Variants in DNAAF10 observed in about 807,000 individuals in gnomAD.
DNAAF10 encodes the protein dynein axonemal assembly factor 10.
DNAAF10 carries 28 observed loss-of-function variants against 43.7 expected under a neutral mutation model. The ratio of observed to expected loss-of-function variants is 0.64; its 90% CI spans 0.48 to 0.88. The LOEUF (loss-of-function observed/expected upper bound fraction) is 0.88. Ranked by LOEUF, DNAAF10 falls within the 40% of genes least tolerant of loss-of-function variation. The pLI is 0.00. For missense variants in DNAAF10, 403 were observed against 439.1 expected (o/e 0.92, Z 0.73); for synonymous variants, 156 against 157.3 (o/e 0.99, Z 0.06).
At chr2:68,139,014 C>A (rs1673112600) in intron 4 of DNAAF10, among the ~76,000 whole-genome samples, 157 bp from the exon 5 acceptor site, 1 of 152,146 alleles carries the variant, frequency 6.6e-6, no homozygotes, top group Non-Finnish European at 1.5e-5. Context: ...GAGAGGACAT[C>A]AAGATTATTA....
At chr2:68,145,360 G>C (rs1302002277) in intron 2 of DNAAF10, among the ~76,000 whole-genome samples, 1 of 152,050 alleles carries the variant, frequency 6.6e-6, no homozygotes, top group Non-Finnish European at 1.5e-5. Context: ...CCATTAGCTG[G>C]CCTTACTAAA....
chr2:68,138,959 A>G, intron 4 of DNAAF10, 102 bp from the exon 5 acceptor site: 1 of 818,280 alleles, frequency 1.2e-6, no homozygotes, highest in Non-Finnish European at 2.0e-6. Flanking sequence ...ATATTAAATC[A>G]GATCTTAAAA....
At chr2:68,137,243 C>G (rs1202651275) in intron 6 of DNAAF10, 56 bp downstream of exon 6, 5 of 1,516,066 alleles carry the variant, frequency 3.3e-6, no homozygotes, top group Non-Finnish European at 4.4e-6. Flanking sequence ...TTCTACTTAT[C>G]AGTCTAAACC....
chr2:68,149,081 T>C (rs1673393042), intron 1 of DNAAF10, among the ~76,000 whole-genome samples: 1 of 152,222 alleles, frequency 6.6e-6, no homozygotes, highest in Non-Finnish European at 1.5e-5. Context: ...TTCAAATAAT[T>C]TTAAAAATAA....
At chr2:68,141,096 A>G (rs371792789) in intron 4 of DNAAF10, among the ~76,000 whole-genome samples, 1 of 152,350 alleles carries the variant, frequency 6.6e-6, no homozygotes, top group African/African-American at 2.4e-5. Flanking sequence ...GATCCAAACC[A>G]TATCAAAGGG....
chr2:68,154,197 T>C lies in DNAAF10; in HGVS notation c.183+3064A>G, dbSNP rs183335913. 5.9e-5 allele frequency among the ~76,000 whole-genome samples: 9 copies of C among 152,232 alleles called. No individual in the cohort carries two copies. In the East Asian group the frequency reaches 7.7e-4, roughly 13 times the overall value. On this transcript the variant is annotated intron_variant, in intron 1 of 7. Transcript: ENST00000295121. ...AAATAGTGTGTTCTCAGACAACTCA[T>C]GGTAGAAAAAAAGAATATCCAAAGG...
At chr2:68,149,398 G>A (rs1048408193) in intron 1 of DNAAF10, among the ~76,000 whole-genome samples, 1 of 152,180 alleles carries the variant, frequency 6.6e-6, no homozygotes, top group Admixed American at 6.5e-5. Flanking sequence ...TAACATGTTT[G>A]TAAAAGACCC....
intron 7 of DNAAF10, 77 bp downstream of exon 7, chr2:68,134,625 G>C: frequency 6.4e-7 from 1 of 1,567,218 alleles, no homozygotes; most frequent in Non-Finnish European, 8.6e-7. Context: ...GGAAAAAAAA[G>C]AAAAAAAAGT....
intron 1 of DNAAF10, among the ~76,000 whole-genome samples, chr2:68,153,208 C>G (rs1042893986): frequency 2.0e-5 from 3 of 152,154 alleles, no homozygotes; most frequent in African/African-American, 7.2e-5. Flanking sequence ...CACGGAGGCC[C>G]TGCCCTCCAT....
intron 4 of DNAAF10, among the ~76,000 whole-genome samples, chr2:68,140,913 G>T (rs1309231145): frequency 2.0e-5 from 3 of 152,180 alleles, no homozygotes; most frequent in African/African-American, 7.2e-5. Context: ...AACAATGACT[G>T]ACACAGCATT....
chr2:68,152,062 T>G (rs1031609020), intron 1 of DNAAF10, among the ~76,000 whole-genome samples: 8 of 152,218 alleles, frequency 5.3e-5, no homozygotes, highest in African/African-American at 1.9e-4. Flanking sequence ...ACCTGAGCGT[T>G]ATTGGAAGTA....
chr2:68,145,420 G>A (rs1470807791), intron 2 of DNAAF10, among the ~76,000 whole-genome samples: 1 of 151,954 alleles, frequency 6.6e-6, no homozygotes, highest in Non-Finnish European at 1.5e-5. Context: ...AAAGGTTTTT[G>A]TTAAAACGCA....
Position 68,130,510 on chromosome 2 carries a change from G to T in DNAAF10, c.*728C>A, listed in dbSNP as rs1414149114. ...AATCTCTCAAAATGTATTTATGAAG[G>T]TTAATTCAGTTTTTCCAAGGCAAAC... On this transcript the variant is annotated 3_prime_UTR_variant, in exon 8 of 8. Coordinates refer to ENST00000295121, the MANE Select transcript of DNAAF10 (RefSeq NM_138458.4). 6.6e-6 allele frequency: 1 copy of T among 152,310 alleles called. No individual in the cohort carries two copies. Among genetic ancestry groups the T allele is most frequent in the East Asian group, 1.9e-4 (1 of 5,184 alleles). The allele number at this position is 152,310 out of a possible 1,614,324, so 9.4% of individuals were successfully genotyped here.
At position 68,155,812 on chromosome 2, in the gene DNAAF10, G is replaced by T. The variant is rs75952289; in HGVS notation, c.183+1449C>A. 5.7e-3 allele frequency among the ~76,000 whole-genome samples: 873 copies of T among 151,966 alleles called. 15 individuals are homozygous for T. Among genetic ancestry groups the T allele is most frequent in the African/African-American group, 0.02 (844 of 41,432 alleles). Reference sequence around the variant, plus strand: ...TGAACTGAACATTGGAATAGCAACAGGTAGCCAGGCTTGGTGGCTCACGCC... The same window carrying T: ...TGAACTGAACATTGGAATAGCAACATGTAGCCAGGCTTGGTGGCTCACGCC... On this transcript the variant is annotated intron_variant, in intron 1 of 7. Coordinates refer to ENST00000295121, the MANE Select transcript of DNAAF10 (RefSeq NM_138458.4).
intron 3 of DNAAF10, among the ~76,000 whole-genome samples, chr2:68,142,407 C>T (rs1400594042): frequency 6.6e-6 from 1 of 152,142 alleles, no homozygotes; most frequent in African/African-American, 2.4e-5. Context: ...CAGGCATGCA[C>T]CACCACGCCC....
intron 6 of DNAAF10, among the ~76,000 whole-genome samples, chr2:68,135,656 C>T (rs1361087077): frequency 6.6e-6 from 1 of 152,146 alleles, no homozygotes; most frequent in East Asian, 1.9e-4. Flanking sequence ...AGTGATTAGT[C>T]TTGACCTTTG....
At chr2:68,133,306 G>A (rs762447441) in intron 7 of DNAAF10, among the ~76,000 whole-genome samples, 1 of 152,008 alleles carries the variant, frequency 6.6e-6, no homozygotes, top group African/African-American at 2.4e-5. Context: ...GCAGTGGTGC[G>A]ATCTCGACTC....
At chr2:68,136,881 T>C (rs1314604739) in intron 6 of DNAAF10, among the ~76,000 whole-genome samples, 1 of 152,226 alleles carries the variant, frequency 6.6e-6, no homozygotes, top group East Asian at 1.9e-4. Context: ...AATAATTTCA[T>C]TTAATATAGC....
At chr2:68,140,143 T>A (rs1357591904) in intron 4 of DNAAF10, among the ~76,000 whole-genome samples, 3 of 152,148 alleles carry the variant, frequency 2.0e-5, no homozygotes, top group Non-Finnish European at 2.9e-5. Context: ...TTTCCAAGTA[T>A]CTCTTGCTGA....
Sources: gnomAD v4.1 joint callset for allele counts (sites outside exome capture counted in the v4.1 genomes callset) on GRCh38, gnomAD v4.1.1 for gene constraint, MANE v1.5 for transcripts, NCBI Gene and HGNC (gene_info 2026-07-23, HGNC 2026-07-21) for gene names.